JMJD1C: variants seen among roughly 807,000 people sequenced by gnomAD.
The protein encoded by JMJD1C is jumonji domain containing 1C.
Under a neutral mutation model 245.3 loss-of-function variants are expected in JMJD1C, and 31 were observed. The ratio of observed to expected loss-of-function variants is 0.13; its 90% CI spans 0.09 to 0.17. The LOEUF (loss-of-function observed/expected upper bound fraction) is 0.17. Ranked by LOEUF, JMJD1C falls within the 10% of genes least tolerant of loss-of-function variation. The pLI is 1.00. For synonymous variants in JMJD1C, 1,057 were observed against 1,017.4 expected (o/e 1.04, Z -0.74); for missense variants, 2,691 against 3,000.2 (o/e 0.90, Z 2.41).
At chr10:63,383,718 A>T (rs1166014056) in intron 1 of JMJD1C, among the ~76,000 whole-genome samples, 1 of 152,074 alleles carries the variant, frequency 6.6e-6, no homozygotes, top group Non-Finnish European at 1.5e-5. Context: ...AAAATCAAAA[A>T]CAATGTACAC....
chr10:63,405,748 G>A (rs971677658), intron 1 of JMJD1C, among the ~76,000 whole-genome samples: 16 of 152,180 alleles, frequency 1.1e-4, no homozygotes, highest in African/African-American at 3.6e-4. Context: ...GACATTTCCT[G>A]TGAAAGTAGT....
At chr10:63,181,093 T>C (rs1388519357) in intron 22 of JMJD1C, among the ~76,000 whole-genome samples, 1 of 152,054 alleles carries the variant, frequency 6.6e-6, no homozygotes, top group Non-Finnish European at 1.5e-5. Flanking sequence ...CTCAAACTCC[T>C]GACTTCAAGT....
In JMJD1C at chr10:63,465,560, G is replaced by A. The variant is rs79181358; in HGVS notation, c.103C>T (p.Arg35Ter). 6.2e-7 allele frequency: 1 copy of A among 1,601,496 alleles called. No homozygotes were observed. The change falls in exon 1 of 26, where the codon CGA (arginine) becomes TGA (stop). Residue 35 changes from arginine (R) to a stop codon, truncating the protein, a stop_gained. Coordinates refer to ENST00000399262, the MANE Select transcript of JMJD1C (RefSeq NM_032776.3). LOFTEE classifies it high-confidence loss of function. ...SERWESGRGWRSWRAGVIRAV... is the reference protein window; with the variant it reads ...SERWESGRGW Reference sequence around the variant, plus strand: ...CGGATGACCCCCGCTCGCCAGCTTCGCCAGCCGCGTCCGCTCTCCCAGCGC... The same window carrying A: ...CGGATGACCCCCGCTCGCCAGCTTCACCAGCCGCGTCCGCTCTCCCAGCGC...
At chr10:63,516,451 C>T (rs1456940443) in intron 1 of JMJD1C, among the ~76,000 whole-genome samples, 3 of 152,200 alleles carry the variant, frequency 2.0e-5, no homozygotes, top group Non-Finnish European at 4.4e-5. Flanking sequence ...AATTATACCA[C>T]AACCCCATAT....
intron 3 of JMJD1C, among the ~76,000 whole-genome samples, chr10:63,256,724 C>T (rs1338423216): frequency 6.6e-6 from 1 of 152,198 alleles, no homozygotes; most frequent in East Asian, 1.9e-4. Context: ...TACCAGTAGT[C>T]AGTTCATAGT....
At chr10:63,173,282 A>C (rs928791803) in intron 24 of JMJD1C, among the ~76,000 whole-genome samples, 1 of 152,266 alleles carries the variant, frequency 6.6e-6, no homozygotes, top group East Asian at 1.9e-4. Flanking sequence ...ACTACATTGC[A>C]TACCCAAATG....
chr10:63,194,305 G>T lies in JMJD1C; in HGVS notation c.5715C>A (p.Thr1905=), dbSNP rs770101544. Residue 1905 remains threonine (T), a synonymous_variant, in exon 14 of 26, where the codon ACC becomes ACA. Coordinates refer to ENST00000399262, the MANE Select transcript of JMJD1C (RefSeq NM_032776.3). The part of the protein sequence containing the change: ...QPHDHKHLMP[T]QIIPGSVLTD... ...ACTTACCAGAACCAGGTATAATTTGGGTTGGCATTAAATGTTTGTGATCAT... is the reference window on the plus strand; with the variant it reads ...ACTTACCAGAACCAGGTATAATTTGTGTTGGCATTAAATGTTTGTGATCAT... 6.2e-7 allele frequency: 1 copy of T among 1,610,018 alleles called. No individual in the cohort carries two copies.
chr10:63,214,921 G>A lies in JMJD1C; in HGVS notation c.1246C>T (p.Pro416Ser), dbSNP rs745857621. The change falls in exon 8 of 26, where the codon CCC (proline) becomes TCC (serine). Residue 416 changes from proline (P) to serine (S), a missense_variant. By Grantham distance (74) the Pro-to-Ser change is moderately conservative. Transcript: ENST00000399262. The part of the protein sequence containing the change: ...TSKINGEEGK[P>S]HNNEKAGEET... Reference sequence around the variant, plus strand: ...TCTCCTGCCTTCTCATTATTATGGGGTTTTCCTTCTTCTCCATTTATTTTT... The same window carrying A: ...TCTCCTGCCTTCTCATTATTATGGGATTTTCCTTCTTCTCCATTTATTTTT... 6.2e-7 allele frequency: 1 copy of A among 1,608,668 alleles called. No homozygotes were observed. Among genetic ancestry groups the A allele is most frequent in the Non-Finnish European group, 8.5e-7 (1 of 1,177,200 alleles).
rs1373372793 is a variant in JMJD1C, at chr10:63,214,377, A to T, written c.1790T>A (p.Val597Asp). 3 of 1,614,016 alleles carry T rather than the reference A, an allele frequency of 1.9e-6. No individual in the cohort carries two copies. In the South Asian group the frequency reaches 3.3e-5, roughly 18 times the overall value. The change falls in exon 8 of 26, where the codon GTC becomes GAC. Residue 597 changes from valine (V) to aspartate (D), a missense_variant. Physicochemically the swap from Val to Asp is radical, Grantham distance 152 (BLOSUM62 -3). This residue lies in a region of JMJD1C where 1,562 missense variants were observed against 1,490.7 expected (regional missense o/e 1.05). Transcript: ENST00000399262. ...DHLNMEKEKYVSYISPLSAVS... is the reference protein window; with the variant it reads ...DHLNMEKEKYDSYISPLSAVS... The stretch of plus-strand genomic sequence containing the variant: ...TGCACTTAAAGGAGAAATGTAAGAG[A>T]CATACTTCTCTTTTTCCATGTTCAA...
chr10:63,192,062 C>T (rs554157251), intron 16 of JMJD1C, among the ~76,000 whole-genome samples: 1 of 149,808 alleles, frequency 6.7e-6, no homozygotes, highest in Admixed American at 6.7e-5. Context: ...TTCTAGTGCT[C>T]TGGTGGCTAT....
At chr10:63,405,687 T>G (rs1949127466) in intron 1 of JMJD1C, among the ~76,000 whole-genome samples, 1 of 152,194 alleles carries the variant, frequency 6.6e-6, no homozygotes, top group Non-Finnish European at 1.5e-5. Flanking sequence ...AAGCAAAAGA[T>G]GTATTTTTTA....
chr10:63,168,652 G>C, intron 24 of JMJD1C, 86 bp from the exon 25 acceptor site: 1 of 1,198,256 alleles, frequency 8.3e-7, no homozygotes, highest in Non-Finnish European at 1.1e-6. Context: ...ATAAACACAA[G>C]AGACAATTCT....
chr10:63,174,594 G>A (rs1475073361), intron 24 of JMJD1C, among the ~76,000 whole-genome samples: 1 of 152,206 alleles, frequency 6.6e-6, no homozygotes, highest in Non-Finnish European at 1.5e-5. Flanking sequence ...AGCACTTTGG[G>A]AGGCCAAGGC....
intron 2 of JMJD1C, among the ~76,000 whole-genome samples, chr10:63,299,686 T>C (rs558881036): frequency 1.3e-5 from 2 of 152,262 alleles, no homozygotes; most frequent in East Asian, 3.9e-4. Flanking sequence ...TTGATAATCT[T>C]CTCTTTGGCA....
At chr10:63,348,829 G>A (rs565803654) in intron 2 of JMJD1C, among the ~76,000 whole-genome samples, 16 of 152,116 alleles carry the variant, frequency 1.1e-4, no homozygotes, top group African/African-American at 3.6e-4. Flanking sequence ...GAGTCTGGGC[G>A]GTGGCTCATG....
intron 2 of JMJD1C, among the ~76,000 whole-genome samples, chr10:63,362,674 T>C (rs1038502877): frequency 6.6e-6 from 1 of 151,918 alleles, no homozygotes; most frequent in Non-Finnish European, 1.5e-5. Flanking sequence ...ACAGGTATGG[T>C]TTCACTATGT....
chr10:63,435,625 C>T (rs796232519), intron 1 of JMJD1C, among the ~76,000 whole-genome samples: 53 of 152,228 alleles, frequency 3.5e-4, no homozygotes, highest in African/African-American at 1.3e-3. Flanking sequence ...CAATGCCGGG[C>T]GCAGTGGCTT....
At chr10:63,359,727 A>G (rs1039479495) in intron 2 of JMJD1C, among the ~76,000 whole-genome samples, 5 of 152,188 alleles carry the variant, frequency 3.3e-5, no homozygotes, top group Admixed American at 6.5e-5. Flanking sequence ...AGAGTTACTA[A>G]TGTCACAGAA....
rs2132900084 is a variant in JMJD1C, at chr10:63,184,596, A to C, written c.6961+12T>G. The C allele has an allele frequency of 6.3e-7, 1 of 1,586,590 alleles. No homozygotes were observed. Among genetic ancestry groups the C allele is most frequent in the Middle Eastern group, 1.7e-4 (1 of 5,910 alleles). On this transcript the variant is annotated intron_variant, in intron 21 of 25. Coordinates refer to ENST00000399262, the MANE Select transcript of JMJD1C (RefSeq NM_032776.3). ...TAATTCCTACATGGGAGAAATGTGAATATATACCTACCATAGGCACTGCAC... is the reference window on the plus strand; with the variant it reads ...TAATTCCTACATGGGAGAAATGTGACTATATACCTACCATAGGCACTGCAC...
Sources: gnomAD v4.1 joint callset for allele counts (sites outside exome capture counted in the v4.1 genomes callset) on GRCh38, gnomAD v4.1.1 for gene constraint, gnomAD v4.1.1 regional missense constraint, MANE v1.5 for transcripts, NCBI Gene and HGNC (gene_info 2026-07-23, HGNC 2026-07-21) for gene names.